Variants in SLAIN1 observed in about 807,000 individuals in gnomAD.
SLAIN1 encodes the protein SLAIN family member 1.
In SLAIN1, 17 loss-of-function variants were observed where a neutral mutation model predicts 55.4. The observed-to-expected ratio is 0.31, with a 90% CI of 0.21 to 0.46. SLAIN1 has a LOEUF of 0.46. Among genes scored for constraint, SLAIN1 ranks in the 20% least tolerant of loss-of-function variants. The pLI is 1.00. For synonymous variants in SLAIN1, 348 were observed against 337.4 expected, an observed-to-expected ratio of 1.03 and a Z score of -0.35; for missense variants, 682 against 785.1, an observed-to-expected ratio of 0.87 and a Z score of 1.57.
At chr13:77,751,506 A>G (rs1874209382) in intron 4 of SLAIN1, among the ~76,000 whole-genome samples, 1 of 152,214 alleles carries the variant, frequency 6.6e-6, no homozygotes, top group Non-Finnish European at 1.5e-5. Flanking sequence ...CCAACAGCTC[A>G]CAGAGTGTCT....
At chr13:77,717,101 CT>C (rs1352946330) in intron 1 of SLAIN1, among the ~76,000 whole-genome samples, 2 of 151,930 alleles carry the variant, frequency 1.3e-5, no homozygotes, top group Non-Finnish European at 2.9e-5. Flanking sequence ...ATATTATATA[CT>C]TTTTCTATTT....
rs1296481996 is a variant in SLAIN1, at chr13:77,741,308, A to AC, written c.767-2973dup. 4.1e-6 allele frequency: 4 copies of AC among 987,332 alleles called. No individual in the cohort carries two copies. In the African/African-American group the frequency reaches 7.0e-5, roughly 17 times the overall value. The allele number at this position is 987,332 out of a possible 1,614,324, so 61.2% of individuals were successfully genotyped here. A position where few individuals can be genotyped will look rare whatever the true frequency, so the allele number is the denominator to read the frequency against. On this transcript the variant is annotated intron_variant, in intron 2 of 6. Coordinates refer to ENST00000418532, the MANE Select transcript of SLAIN1 (RefSeq NM_001242868.2). ...AGAGATTGAACATGTGAGAACAGCT[A>AC]CCTAGTGTGTGTTGCATTATTAACC...
At chr13:77,720,337 C>G (rs974104759) in intron 2 of SLAIN1, among the ~76,000 whole-genome samples, 2 of 152,108 alleles carry the variant, frequency 1.3e-5, no homozygotes, top group African/African-American at 4.8e-5. Context: ...AACACTGTTT[C>G]TATTCCATGG....
At chr13:77,738,213 T>C (rs370035509) in intron 2 of SLAIN1, among the ~76,000 whole-genome samples, 1 of 102,896 alleles carries the variant, frequency 9.7e-6, no homozygotes, top group Non-Finnish European at 2.1e-5. Flanking sequence ...CACACACACA[T>C]ATACACATAC....
intron 1 of SLAIN1, among the ~76,000 whole-genome samples, chr13:77,701,485 T>A (rs918655902): frequency 1.3e-5 from 2 of 152,148 alleles, no homozygotes; most frequent in African/African-American, 4.8e-5. Context: ...GAGATCATTT[T>A]TCTGAATAAT....
At chr13:77,745,254 C>T (rs1873737246) in intron 3 of SLAIN1, among the ~76,000 whole-genome samples, 1 of 152,024 alleles carries the variant, frequency 6.6e-6, no homozygotes, top group Non-Finnish European at 1.5e-5. Flanking sequence ...CACACCCCCA[C>T]ACACCTGCGA....
intron 2 of SLAIN1, 145 bp downstream of exon 2, chr13:77,719,816 C>A (rs1319519469): frequency 1.0e-5 from 8 of 801,224 alleles, no homozygotes; most frequent in Middle Eastern, 2.4e-4. Context: ...ACATGTATTA[C>A]ACATCAAGCT....
intron 2 of SLAIN1, among the ~76,000 whole-genome samples, chr13:77,742,199 C>T (rs540277013): frequency 1.1e-4 from 16 of 151,868 alleles, no homozygotes; most frequent in Non-Finnish European, 2.2e-4. Flanking sequence ...ATGAGATCAT[C>T]TGCCCATGGC....
rs751241527 is a variant in SLAIN1, at chr13:77,753,309, C to G, written c.1365C>G (p.Asp455Glu). ...CCGTGCGAAATAGTCAGAGTTTTGA[C>G]TCAAGCTTGCATGGAGCTGGAAATG... is the stretch of plus-strand genomic sequence containing the variant. The part of the protein sequence containing the change: ...PVTVRNSQSF[D>E]SSLHGAGNGI... The change falls in exon 5 of 7, where the codon GAC becomes GAG. Residue 455 changes from aspartate to glutamate, a missense_variant. Coordinates refer to ENST00000418532, the MANE Select transcript of SLAIN1 (RefSeq NM_001242868.2). The G allele has an allele frequency of 1.3e-5, 21 of 1,612,200 alleles. No homozygotes were observed. Among genetic ancestry groups the G allele is most frequent in the Non-Finnish European group, 1.8e-5 (21 of 1,179,286 alleles).
Position 77,746,564 on chromosome 13 carries a change from T to G in SLAIN1, c.967T>G (p.Ser323Ala). Residue 323 changes from serine to alanine, a missense_variant, in exon 4 of 7, where the codon TCC becomes GCC. Physicochemically the swap from Ser to Ala is moderately conservative, Grantham distance 99. This residue lies in a region of SLAIN1 where 37 missense variants were observed against 72.6 expected (regional missense o/e 0.51). Coordinates refer to ENST00000418532, the MANE Select transcript of SLAIN1 (RefSeq NM_001242868.2). Reference protein sequence around the residue: ...STSASVSRHSSSVSLSSGKKG... With the variant: ...STSASVSRHSASVSLSSGKKG... ...TTCAGCATCTGTATCAAGACATAGTTCCAGTGTGTCATTGAGTTCAGGAAA... is the reference window on the plus strand; with the variant it reads ...TTCAGCATCTGTATCAAGACATAGTGCCAGTGTGTCATTGAGTTCAGGAAA... 6.2e-7 allele frequency: 1 copy of G among 1,613,316 alleles called. No homozygotes were observed. Among genetic ancestry groups the G allele is most frequent in the Non-Finnish European group, 8.5e-7 (1 of 1,179,504 alleles).
intron 2 of SLAIN1, among the ~76,000 whole-genome samples, chr13:77,729,715 T>G (rs1013695127): frequency 3.9e-5 from 6 of 152,142 alleles, no homozygotes; most frequent in African/African-American, 1.4e-4. Flanking sequence ...TGCCTGGCCT[T>G]GGGAACATGC....
At position 77,698,197 on chromosome 13, in the gene SLAIN1, G is replaced by T. The variant is rs2090993241; in HGVS notation, c.284G>T (p.Gly95Val). The change falls in exon 1 of 7, where the codon GGC (glycine) becomes GTC (valine). Residue 95 changes from glycine to valine, a missense_variant. Physicochemically the swap from Gly to Val is moderately radical, Grantham distance 109. This residue lies in a region of SLAIN1 where 401 missense variants were observed against 417.3 expected (regional missense o/e 0.96). Transcript: ENST00000418532. The surrounding 1 kb of genome is among the most constrained non-coding windows in gnomAD (Gnocchi z 4.1). ...ACGGCCACCGCCGCGGCCTCAGGGG[G>T]CCTGGGGCTCGGGCTGGCGCTGGGC... is the stretch of plus-strand genomic sequence containing the variant. Reference protein sequence around the residue: ...AATATAAASGGLGLGLALGAG... With the variant: ...AATATAAASGVLGLGLALGAG... The T allele has an allele frequency of 4.1e-6, 5 of 1,227,222 alleles. No homozygotes were observed. Among genetic ancestry groups the T allele is most frequent in the South Asian group, 3.3e-5 (1 of 30,128 alleles). The allele number at this position is 1,227,222 out of a possible 1,614,324, so 76.0% of individuals were successfully genotyped here. A position where few individuals can be genotyped will look rare whatever the true frequency, so the allele number is the denominator to read the frequency against.
Position 77,753,190 on chromosome 13 carries a change from A to G in SLAIN1, c.1259-13A>G. On this transcript the variant is annotated splice_polypyrimidine_tract_variant and intron_variant, in intron 4 of 6. Coordinates refer to ENST00000418532, the MANE Select transcript of SLAIN1 (RefSeq NM_001242868.2). Reference sequence around the variant, plus strand: ...ACATCTGTCATTTTTAACTTAGTAAAATTCTTTTCCAGATAAGCTCCGAAG... The same window carrying G: ...ACATCTGTCATTTTTAACTTAGTAAGATTCTTTTCCAGATAAGCTCCGAAG... 5 of 1,568,222 alleles carry G rather than the reference A, an allele frequency of 3.2e-6. No individual in the cohort carries two copies. The highest frequency in any genetic ancestry group is 4.3e-6 in the Non-Finnish European group (5 of 1,161,476).
intron 1 of SLAIN1, among the ~76,000 whole-genome samples, chr13:77,717,370 G>A (rs1323686106): frequency 6.6e-6 from 1 of 152,052 alleles, no homozygotes; most frequent in Non-Finnish European, 1.5e-5. Flanking sequence ...TCTGTTTTTC[G>A]GAAGAGTTTG....
chr13:77,699,526 T>TTCATTACTGTCTTTGTGTC (rs2091010346), intron 1 of SLAIN1, among the ~76,000 whole-genome samples: 1 of 152,188 alleles, frequency 6.6e-6, no homozygotes, highest in African/African-American at 2.4e-5. Context: ...CAAGCTGTGT[T>TTCATTACTGTCTTTGTGTC]TTCATTACTT....
intron 1 of SLAIN1, among the ~76,000 whole-genome samples, chr13:77,715,941 CT>C (rs1405678708): frequency 6.6e-6 from 1 of 151,982 alleles, no homozygotes; most frequent in African/African-American, 2.4e-5. Flanking sequence ...GATGTTTTTT[CT>C]TTTATGGATC....
chr13:77,724,213 G>A (rs1390848908), intron 2 of SLAIN1, among the ~76,000 whole-genome samples: 1 of 152,158 alleles, frequency 6.6e-6, no homozygotes, highest in Non-Finnish European at 1.5e-5. Context: ...GCAGTTGCCT[G>A]AGCAGGCGGG....
chr13:77,709,742 C>T (rs755577090), intron 1 of SLAIN1, among the ~76,000 whole-genome samples: 1 of 152,104 alleles, frequency 6.6e-6, no homozygotes, highest in Non-Finnish European at 1.5e-5. Flanking sequence ...CTTACAAGAG[C>T]TCCTGAAGGA....
In SLAIN1 at chr13:77,698,072, G is replaced by GGCCGCCGCCCCGCACCTGCTGCTGCT; in HGVS notation, c.169_194dup (p.Pro66ArgfsTer142). The GGCCGCCGCCCCGCACCTGCTGCTGCT allele has an allele frequency of 1.5e-6, 2 of 1,323,706 alleles. No homozygotes were observed. Among genetic ancestry groups the GGCCGCCGCCCCGCACCTGCTGCTGCT allele is most frequent in the Non-Finnish European group, 2.0e-6 (2 of 1,020,104 alleles). The allele number at this position is 1,323,706 out of a possible 1,614,324, so 82.0% of individuals were successfully genotyped here. A position where few individuals can be genotyped will look rare whatever the true frequency, so the allele number is the denominator to read the frequency against. On this transcript the variant is annotated frameshift_variant, in exon 1 of 7. Transcript: ENST00000418532. LOFTEE classifies it high-confidence loss of function. The surrounding 1 kb of genome is among the most constrained non-coding windows in gnomAD (Gnocchi z 4.1). ...AGCTGCGGAGTCGAGCGGCCAGCGC[G>GGCCGCCGCCCCGCACCTGCTGCTGCT]GCCGCCGCCCCGCACCTGCTGCTGC...
Sources: gnomAD v4.1 joint callset for allele counts (sites outside exome capture counted in the v4.1 genomes callset) on GRCh38, gnomAD v4.1.1 for gene constraint, gnomAD v4.1.1 regional missense constraint, Gnocchi (gnomAD v3.1) non-coding constraint, MANE v1.5 for transcripts, NCBI Gene and HGNC (gene_info 2026-07-23, HGNC 2026-07-21) for gene names.